MSH3: variants seen among roughly 807,000 people sequenced by gnomAD.
MSH3 encodes the protein DNA mismatch repair protein Msh3.
Under a neutral mutation model 123.3 loss-of-function variants are expected in MSH3, and 106 were observed. The ratio of observed to expected loss-of-function variants is 0.86; its 90% CI spans 0.73 to 1.01. The LOEUF is 1.01. Among genes scored for constraint, MSH3 ranks in the 50% least tolerant of loss-of-function variants. The probability of loss-of-function intolerance (pLI) is 0.00; values close to 1 mark genes in which losing one functional copy is unlikely to be tolerated. For synonymous variants in MSH3, 515 were observed against 481.4 expected, an observed-to-expected ratio of 1.07 and a Z score of -0.91; for missense variants, 1,459 against 1,347.6, an observed-to-expected ratio of 1.08 and a Z score of -1.29.
chr5:80,674,760 T>C (rs1441435971), intron 6 of MSH3, among the ~76,000 whole-genome samples: 3 of 152,138 alleles, frequency 2.0e-5, no homozygotes, highest in Admixed American at 2.0e-4. Context: ...TTTTATTTTG[T>C]AGAGACAGCA....
intron 20 of MSH3, among the ~76,000 whole-genome samples, chr5:80,823,637 G>A (rs1477203790): frequency 6.6e-6 from 1 of 151,188 alleles, no homozygotes; most frequent in African/African-American, 2.4e-5. Context: ...TTTTTCCATG[G>A]AGCTTTAAAA....
chr5:80,735,134 A>G (rs975578782), intron 10 of MSH3, among the ~76,000 whole-genome samples: 11 of 152,162 alleles, frequency 7.2e-5, no homozygotes, highest in Non-Finnish European at 1.6e-4. Flanking sequence ...CTGTAATCTC[A>G]GCACTTTGGG....
At chr5:80,859,715 T>C (rs796552016) in intron 21 of MSH3, among the ~76,000 whole-genome samples, 18 of 150,440 alleles carry the variant, frequency 1.2e-4, no homozygotes, top group East Asian at 7.8e-4. Context: ...TTTCTCTCTT[T>C]TTTTTTTTTT....
intron 8 of MSH3, among the ~76,000 whole-genome samples, chr5:80,703,429 A>G (rs1453310099): frequency 2.6e-5 from 4 of 152,148 alleles, no homozygotes; most frequent in Admixed American, 6.5e-5. Context: ...CAGAATTTCT[A>G]TTGCTTCTGC....
intron 17 of MSH3, among the ~76,000 whole-genome samples, chr5:80,780,944 C>T (rs894876004): frequency 6.6e-6 from 1 of 152,024 alleles, no homozygotes. Flanking sequence ...AAGTAATCAA[C>T]CCGACAAATG....
At chr5:80,662,833 A>G (rs1388352812) in intron 2 of MSH3, among the ~76,000 whole-genome samples, 1 of 139,988 alleles carries the variant, frequency 7.1e-6, no homozygotes, top group Non-Finnish European at 1.6e-5. Context: ...TCTCAAAAAA[A>G]AAAAAAATTT....
intron 8 of MSH3, among the ~76,000 whole-genome samples, chr5:80,713,573 C>T (rs758710044): frequency 6.6e-6 from 1 of 152,142 alleles, no homozygotes; most frequent in Non-Finnish European, 1.5e-5. Flanking sequence ...CAAATAGCCT[C>T]TGTAGCGGTC....
At chr5:80,855,433 T>C (rs1745899916) in intron 21 of MSH3, 1 of 152,232 alleles carries the variant, frequency 6.6e-6, no homozygotes, top group Admixed American at 6.5e-5. Context: ...GTTTTGTTTT[T>C]AAAGCTTAAT....
intron 20 of MSH3, among the ~76,000 whole-genome samples, chr5:80,851,491 GTTTTTCTGTTCACCA>G (rs1415878913): frequency 6.6e-6 from 1 of 152,018 alleles, no homozygotes; most frequent in African/African-American, 2.4e-5. Context: ...TTCTTTGCCT[GTTTTTCTGTTCACCA>G]TTTTGTTTCG....
chr5:80,860,715 T>C (rs1003907365), intron 21 of MSH3, among the ~76,000 whole-genome samples: 1 of 152,152 alleles, frequency 6.6e-6, no homozygotes, highest in Non-Finnish European at 1.5e-5. Flanking sequence ...TGACATTACT[T>C]TGGGGAAATT....
At chr5:80,725,792 A>G (rs1353320860) in intron 9 of MSH3, among the ~76,000 whole-genome samples, 1 of 152,174 alleles carries the variant, frequency 6.6e-6, no homozygotes, top group Non-Finnish European at 1.5e-5. Context: ...CGAGGCAGCA[A>G]TGAGCTATTA....
At chr5:80,774,007 A>G (rs1451093171) in intron 15 of MSH3, among the ~76,000 whole-genome samples, 1 of 152,166 alleles carries the variant, frequency 6.6e-6, no homozygotes. Context: ...ACCTCAGGTA[A>G]TCTGTCCGCC....
chr5:80,873,796 G>A (rs574657920), intron 23 of MSH3, among the ~76,000 whole-genome samples: 1 of 152,264 alleles, frequency 6.6e-6, no homozygotes, highest in Admixed American at 6.5e-5. Flanking sequence ...CACTTTAAAT[G>A]CTTATGGGAA....
chr5:80,687,302 A>G (rs1421202127), intron 8 of MSH3, among the ~76,000 whole-genome samples: 1 of 152,248 alleles, frequency 6.6e-6, no homozygotes, highest in Non-Finnish European at 1.5e-5. Context: ...CCCTTTATCA[A>G]TTGCAGTTAA....
At position 80,813,709 on chromosome 5, in the gene MSH3, G is replaced by A. The variant is rs753651533; in HGVS notation, c.2781G>A (p.Ala927=). ...QIGSYVPAEE[A]TIGIVDGIFT... ...GCTCCTATGTTCCTGCAGAAGAAGC[G>A]ACAATTGGGATTGTGGATGGCATTT... The change falls in exon 20 of 24, where the codon GCG becomes GCA. Residue 927 remains alanine, a synonymous_variant. Transcript: ENST00000265081. 1.2e-6 allele frequency: 2 copies of A among 1,614,122 alleles called. No homozygotes were observed. Among genetic ancestry groups the A allele is most frequent in the South Asian group, 1.1e-5 (1 of 91,086 alleles).
chr5:80,803,661 T>A (rs1336175680), intron 19 of MSH3, among the ~76,000 whole-genome samples: 1 of 152,022 alleles, frequency 6.6e-6, no homozygotes, highest in East Asian at 1.9e-4. Flanking sequence ...CAGACCAGTG[T>A]TCTGAAGATT....
chr5:80,794,833 A>T (rs535226731), intron 19 of MSH3, among the ~76,000 whole-genome samples: 1 of 152,324 alleles, frequency 6.6e-6, no homozygotes, highest in South Asian at 2.1e-4. Context: ...GATAGCTTAG[A>T]TTGAGGACAG....
rs543672228 is a variant in MSH3, at chr5:80,690,473, A to G, written c.1340+11380A>G. ...CAGGCGCCCGCCACCACACCCGGCTAATTTTTGTATTTTTGTAGAGACGTA... is the reference window on the plus strand; with the variant it reads ...CAGGCGCCCGCCACCACACCCGGCTGATTTTTGTATTTTTGTAGAGACGTA... On this transcript the variant is annotated intron_variant, in intron 8 of 23. Coordinates refer to ENST00000265081, the MANE Select transcript of MSH3 (RefSeq NM_002439.5). Among the ~76,000 whole-genome samples, 14 of 152,076 alleles carry G rather than the reference A, an allele frequency of 9.2e-5. No individual in the cohort carries two copies. The South Asian group carries it at 2.3e-3, about 25-fold the overall frequency.
intron 21 of MSH3, among the ~76,000 whole-genome samples, chr5:80,862,938 G>T (rs1746038318): frequency 6.6e-6 from 1 of 152,140 alleles, no homozygotes; most frequent in African/African-American, 2.4e-5. Context: ...AGACAGCAAT[G>T]ATCAATAGAT....
Sources: allele counts gnomAD v4.1 joint callset (sites outside exome capture counted in the v4.1 genomes callset), GRCh38; gene constraint gnomAD v4.1.1; transcripts MANE v1.5; gene names NCBI Gene and HGNC (gene_info 2026-07-23, HGNC 2026-07-21).